Variants in RIPK2 observed in about 807,000 individuals in gnomAD.
RIPK2 encodes receptor-interacting serine/threonine-protein kinase 2.
Under a neutral mutation model 60.9 loss-of-function variants are expected in RIPK2, and 38 were observed. The observed-to-expected ratio is 0.62, with a 90% CI of 0.48 to 0.82. The LOEUF (loss-of-function observed/expected upper bound fraction) is 0.82, where lower values mean the gene tolerates loss of function less well. Among genes scored for constraint, RIPK2 ranks in the 40% least tolerant of loss-of-function variants. The pLI is 0.00. For missense variants in RIPK2, 518 were observed against 647.0 expected, an observed-to-expected ratio of 0.80 and a Z score of 2.16; for synonymous variants, 225 against 223.4, an observed-to-expected ratio of 1.01 and a Z score of -0.06.
chr8:89,790,025 T>C (rs898825727), intron 10 of RIPK2, 54 bp from the exon 11 acceptor site: 72 of 1,232,890 alleles, frequency 5.8e-5, no homozygotes, highest in Non-Finnish European at 7.6e-5. Context: ...ATTTTACTTA[T>C]TGCTATGTAT....
chr8:89,764,572 T>G (rs375354117), intron 2 of RIPK2, among the ~76,000 whole-genome samples: 32 of 152,292 alleles, frequency 2.1e-4, no homozygotes, highest in African/African-American at 7.2e-4. Flanking sequence ...ATGTTCATTC[T>G]CCTGGGAAGC....
intron 8 of RIPK2, 145 bp from the exon 9 acceptor site, chr8:89,786,448 T>G (rs763716488): frequency 3.8e-5 from 22 of 577,232 alleles, no homozygotes; most frequent in Non-Finnish European, 6.4e-5. Context: ...CACTCCAGAC[T>G]GGGCAACAGA....
rs759372563 is a variant in RIPK2, at chr8:89,758,125, G to A, written c.65G>A (p.Arg22His). ...TIPYHKLADL[R>H]YLSRGASGTV... ...CCCTACCACAAACTCGCCGACCTGC[G>A]CTACCTGAGCCGCGGCGCCTCTGGC... The change falls in exon 1 of 11, where the codon CGC becomes CAC. Residue 22 changes from arginine (R) to histidine (H), a missense_variant. Around this residue, in one of 3 missense-constraint regions of RIPK2, gnomAD observed 448 missense variants for 534.7 expected, o/e 0.84. Transcript: ENST00000220751. 23 of 1,603,140 alleles carry A rather than the reference G, an allele frequency of 1.4e-5. No homozygotes were observed. Among genetic ancestry groups the A allele is most frequent in the Non-Finnish European group, 1.9e-5 (22 of 1,175,464 alleles).
At chr8:89,770,317 A>G (rs1809292151) in intron 4 of RIPK2, among the ~76,000 whole-genome samples, 1 of 151,854 alleles carries the variant, frequency 6.6e-6, no homozygotes. Flanking sequence ...TAAATAGACA[A>G]ACTCTTAATC....
At chr8:89,762,605 C>T (rs148284551) in intron 1 of RIPK2, among the ~76,000 whole-genome samples, 56 of 152,150 alleles carry the variant, frequency 3.7e-4, no homozygotes, top group African/African-American at 1.3e-3. Context: ...TTTTACCTGT[C>T]AATGGCTTAT....
chr8:89,761,459 A>G (rs1809143791), intron 1 of RIPK2, among the ~76,000 whole-genome samples: 1 of 151,970 alleles, frequency 6.6e-6, no homozygotes, highest in African/African-American at 2.4e-5. Context: ...TTCCACTGCT[A>G]CCTTTGTAGT....
Position 89,790,415 on chromosome 8 carries a change from A to G in RIPK2, c.1622A>G (p.Ter541=). The stretch of plus-strand genomic sequence containing the variant: ...AATTTACTTCAAAATAAAAGCATGT[A>G]AGTGACTGTTTTTCAAGAAGAAATG... ...SLNLLQNKSM[*] Residue 541 remains the stop codon, a stop_retained_variant, in exon 11 of 11, where the codon TAA becomes TGA. Transcript: ENST00000220751. 2 of 1,561,840 alleles carry G rather than the reference A, an allele frequency of 1.3e-6. No homozygotes were observed. Among genetic ancestry groups the G allele is most frequent in the East Asian group, 2.2e-5 (1 of 44,512 alleles).
intron 6 of RIPK2, 145 bp downstream of exon 6, chr8:89,772,973 A>G (rs1415323451): frequency 5.4e-6 from 3 of 553,864 alleles, no homozygotes; most frequent in Non-Finnish European, 9.2e-6. Context: ...TAGCATTTAT[A>G]TATGAGTAAC....
rs1367457371 is a variant in RIPK2 at position 89,780,944 on chromosome 8, GT to G, written c.939+797del. On this transcript the variant is annotated intron_variant, in intron 7 of 10. Coordinates refer to ENST00000220751, the MANE Select transcript of RIPK2 (RefSeq NM_003821.6). ...ATTTAAGGGACCTATTACTGCAGGG[GT>G]TTTTTTTTTTTTAATATTACTCAAA... 2.2e-3 allele frequency among the ~76,000 whole-genome samples: 317 copies of G among 141,652 alleles called. 3 individuals carry two copies. In the East Asian group the frequency reaches 0.025, roughly 11 times the overall value. The allele number at this position is 141,652 out of a possible 152,430, so 92.9% of individuals were successfully genotyped here.
At chr8:89,767,906 G>A (rs926457797) in intron 3 of RIPK2, among the ~76,000 whole-genome samples, 4 of 151,628 alleles carry the variant, frequency 2.6e-5, no homozygotes, top group East Asian at 1.9e-4. Flanking sequence ...CCTTCAACTC[G>A]TTTTCTTATT....
intron 2 of RIPK2, among the ~76,000 whole-genome samples, chr8:89,764,649 T>A (rs1809197154): frequency 1.3e-5 from 2 of 152,148 alleles, no homozygotes; most frequent in African/African-American, 2.4e-5. Flanking sequence ...ATTTGAGTAC[T>A]ATGAAAAATA....
At chr8:89,787,686 T>G (rs1294614968) in intron 9 of RIPK2, among the ~76,000 whole-genome samples, 1 of 152,210 alleles carries the variant, frequency 6.6e-6, no homozygotes, top group East Asian at 1.9e-4. Flanking sequence ...AGCTGAACTA[T>G]TTGGACTTTT....
At chr8:89,772,198 T>G (rs1022766637) in intron 5 of RIPK2, among the ~76,000 whole-genome samples, 3 of 152,088 alleles carry the variant, frequency 2.0e-5, no homozygotes, top group Non-Finnish European at 4.4e-5. Context: ...CTATAAAGAC[T>G]AGCAAATATC....
intron 3 of RIPK2, among the ~76,000 whole-genome samples, chr8:89,766,642 T>C (rs1020530674): frequency 2.0e-5 from 3 of 151,518 alleles, no homozygotes; most frequent in African/African-American, 7.3e-5. Flanking sequence ...AGCAAAATGA[T>C]AATACCAAAT....
chr8:89,776,556 A>G (rs1010828756), intron 6 of RIPK2, among the ~76,000 whole-genome samples: 27 of 152,226 alleles, frequency 1.8e-4, no homozygotes, highest in Non-Finnish European at 3.7e-4. Flanking sequence ...AATCCACTAT[A>G]TACTTGTTTG....
chr8:89,790,247 C>CA lies in RIPK2; in HGVS notation c.1458dup (p.Val487SerfsTer9). The CA allele has an allele frequency of 6.2e-7, 1 of 1,614,028 alleles. No homozygotes were observed. The highest frequency in any genetic ancestry group is 8.5e-7 in the Non-Finnish European group (1 of 1,180,002). ...GTTAGTACCAAGCCTACAAGGACCT[C>CA]AAAAGTCAGACAATTACTAGACACT... is the stretch of plus-strand genomic sequence containing the variant. On this transcript the variant is annotated frameshift_variant, in exon 11 of 11. Coordinates refer to ENST00000220751, the MANE Select transcript of RIPK2 (RefSeq NM_003821.6). LOFTEE classifies it high-confidence loss of function.
intron 10 of RIPK2, 24 bp from the exon 11 acceptor site, chr8:89,790,055 T>C: frequency 6.5e-7 from 1 of 1,549,308 alleles, no homozygotes; most frequent in East Asian, 2.3e-5. Context: ...CCTTTTAAAT[T>C]ATTCATTCCT....
In RIPK2 at chr8:89,789,322, A is replaced by C; in HGVS notation, c.1125A>C (p.Arg375Ser). The C allele has an allele frequency of 6.2e-7, 1 of 1,612,660 alleles. No homozygotes were observed. Among genetic ancestry groups the C allele is most frequent in the Non-Finnish European group, 8.5e-7 (1 of 1,179,416 alleles). ...TAATGAAGATGTTGTATTTTGTAGG[A>C]AAAGCTCAAGACTGTTATTTTATGA... ...PAPQDNDFLS[R>S]KAQDCYFMKL... The change falls in exon 10 of 11, where the codon AGA becomes AGC. Residue 375 changes from arginine to serine, a missense_variant and splice_region_variant. Coordinates refer to ENST00000220751, the MANE Select transcript of RIPK2 (RefSeq NM_003821.6).
chr8:89,760,301 C>A (rs1452310176), intron 1 of RIPK2, among the ~76,000 whole-genome samples: 1 of 152,194 alleles, frequency 6.6e-6, no homozygotes, highest in African/African-American at 2.4e-5. Flanking sequence ...AACCTGACTT[C>A]TATCCGATGA....
Sources: gnomAD v4.1 joint callset for allele counts (sites outside exome capture counted in the v4.1 genomes callset) on GRCh38, gnomAD v4.1.1 for gene constraint, gnomAD v4.1.1 regional missense constraint, MANE v1.5 for transcripts, NCBI Gene and HGNC (gene_info 2026-07-23, HGNC 2026-07-21) for gene names.